The following PDE8B variants were observed in gnomAD, a reference collection of about 807,000 sequenced individuals.
The protein encoded by PDE8B is high affinity cAMP-specific and IBMX-insensitive 3',5'-cyclic phosphodiesterase 8B.
A neutral mutation model predicts 101.3 loss-of-function variants in PDE8B; 26 were observed. The observed-to-expected ratio is 0.26, with a 90% CI of 0.19 to 0.36. The LOEUF (loss-of-function observed/expected upper bound fraction) is 0.36. Among genes scored for constraint, PDE8B ranks in the 10% least tolerant of loss-of-function variants. PDE8B has a pLI of 1.00. For missense variants in PDE8B, 810 were observed against 1,163.1 expected, an observed-to-expected ratio of 0.70 and a Z score of 4.42; for synonymous variants, 424 against 429.3, an observed-to-expected ratio of 0.99 and a Z score of 0.15.
At chr5:77,200,557 T>TC in the PDE8B span, among the ~76,000 whole-genome samples, 1 of 151,980 alleles carries the variant, frequency 6.6e-6, no homozygotes, top group African/African-American at 2.4e-5. Flanking sequence ...GTGAAGGGCT[T>TC]TTTTTTAAAA....
chr5:77,302,153 A>G (rs1770099046), intron 1 of PDE8B, among the ~76,000 whole-genome samples: 1 of 152,116 alleles, frequency 6.6e-6, no homozygotes, highest in African/African-American at 2.4e-5. Flanking sequence ...GTGCCAGCCA[A>G]GTTTTCTGTG....
At chr5:77,267,311 G>A (rs1300929128) in intron 1 of PDE8B, among the ~76,000 whole-genome samples, 1 of 152,022 alleles carries the variant, frequency 6.6e-6, no homozygotes, top group Non-Finnish European at 1.5e-5. Context: ...ATGGTGGCGG[G>A]CACCTGTAAT....
At chr5:77,318,524 A>G (rs1454005148) in intron 2 of PDE8B, among the ~76,000 whole-genome samples, 1 of 152,214 alleles carries the variant, frequency 6.6e-6, no homozygotes, top group African/African-American at 2.4e-5. Context: ...TTCCATGTCT[A>G]TAAAATAGGG....
the PDE8B span, among the ~76,000 whole-genome samples, chr5:77,120,829 T>C: frequency 6.6e-6 from 1 of 152,238 alleles, no homozygotes; most frequent in Non-Finnish European, 1.5e-5. Context: ...AAAACATTTA[T>C]CTGTTGGCTT....
intron 5 of PDE8B, among the ~76,000 whole-genome samples, chr5:77,334,586 A>G (rs377176601): frequency 7.9e-5 from 12 of 152,280 alleles, no homozygotes; most frequent in African/African-American, 2.9e-4. Context: ...TGGAGTAGGA[A>G]GTGGGGAGCT....
At chr5:77,122,794 T>C in the PDE8B span, among the ~76,000 whole-genome samples, 2 of 152,206 alleles carry the variant, frequency 1.3e-5, no homozygotes, top group Non-Finnish European at 1.5e-5. Flanking sequence ...CAATTACATT[T>C]TGAAAGTAAG....
intron 1 of PDE8B, among the ~76,000 whole-genome samples, chr5:77,275,079 G>A (rs937493961): frequency 6.6e-6 from 1 of 152,102 alleles, no homozygotes; most frequent in Non-Finnish European, 1.5e-5. Context: ...ACACACACTA[G>A]TTGAGTACAG....
intron 1 of PDE8B, among the ~76,000 whole-genome samples, chr5:77,252,925 G>A (rs756044189): frequency 2.0e-5 from 3 of 152,102 alleles, no homozygotes; most frequent in Non-Finnish European, 4.4e-5. Context: ...TTTTTACGAA[G>A]TCTAATCTCT....
At chr5:77,123,002 A>G in the PDE8B span, among the ~76,000 whole-genome samples, 1 of 152,342 alleles carries the variant, frequency 6.6e-6, no homozygotes, top group East Asian at 1.9e-4. Context: ...TGAATTGAAC[A>G]GAGATTATAG....
chr5:77,224,776 CCT>C (rs918331657), intron 1 of PDE8B, among the ~76,000 whole-genome samples: 2 of 152,248 alleles, frequency 1.3e-5, no homozygotes, highest in African/African-American at 4.8e-5. Context: ...AGTTCCCTTT[CCT>C]CTCTTTCTTT....
At chr5:77,332,131 A>G (rs1777253038) in intron 5 of PDE8B, among the ~76,000 whole-genome samples, 1 of 152,218 alleles carries the variant, frequency 6.6e-6, no homozygotes, top group Non-Finnish European at 1.5e-5. Context: ...TTAAAAGAGA[A>G]GAAAGAGAAG....
chr5:77,204,898 G>A, the PDE8B span, among the ~76,000 whole-genome samples: 3 of 152,118 alleles, frequency 2.0e-5, no homozygotes, highest in African/African-American at 7.2e-5. Context: ...AAGTTCCTTT[G>A]GAGTAGGACT....
At chr5:77,171,880 A>G in the PDE8B span, among the ~76,000 whole-genome samples, 2 of 152,068 alleles carry the variant, frequency 1.3e-5, no homozygotes, top group African/African-American at 4.8e-5. Flanking sequence ...AGGGCCAGGG[A>G]CCCATTGATG....
At chr5:77,304,806 G>A (rs1168945519) in intron 1 of PDE8B, among the ~76,000 whole-genome samples, 1 of 152,098 alleles carries the variant, frequency 6.6e-6, no homozygotes, top group East Asian at 1.9e-4. Flanking sequence ...ATATTGTTTG[G>A]GGGGGATAAT....
At chr5:77,387,343 T>C (rs1014282302) in intron 10 of PDE8B, among the ~76,000 whole-genome samples, 1 of 152,222 alleles carries the variant, frequency 6.6e-6, no homozygotes, top group Non-Finnish European at 1.5e-5. Context: ...TGGCTGGACA[T>C]GAAATTCTGG....
At chr5:77,098,528 T>G in the PDE8B span, 1 of 152,142 alleles carries the variant, frequency 6.6e-6, no homozygotes, top group East Asian at 1.9e-4. Context: ...ACTCCTGGTG[T>G]CAAGTGATCC....
intron 7 of PDE8B, among the ~76,000 whole-genome samples, chr5:77,347,246 T>C (rs185550245): frequency 6.6e-6 from 1 of 152,386 alleles, no homozygotes; most frequent in Admixed American, 6.5e-5. Context: ...GGTATCACTA[T>C]TGTACTCATT....
chr5:77,426,828 C>G lies in PDE8B; in HGVS notation c.*274C>G, dbSNP rs1182147831. 2.5e-6 allele frequency: 1 copy of G among 403,968 alleles called. No homozygotes were observed. The highest frequency in any genetic ancestry group is 4.7e-6 in the Non-Finnish European group (1 of 214,000). The allele number at this position is 403,968 out of a possible 1,614,324, so 25.0% of individuals were successfully genotyped here. A position where few individuals can be genotyped will look rare whatever the true frequency, so the allele number is the denominator to read the frequency against. ...GTCATCCTGTGTACCCTTGTCAATC[C>G]ATGGAGCTGGTTCACTGTAACTAGC... On this transcript the variant is annotated 3_prime_UTR_variant, in exon 22 of 22. Transcript: ENST00000264917.
At chr5:77,407,763 A>G (rs1003909705) in intron 13 of PDE8B, among the ~76,000 whole-genome samples, 1 of 152,158 alleles carries the variant, frequency 6.6e-6, no homozygotes, top group African/African-American at 2.4e-5. Context: ...TCAGGAGAAG[A>G]AGGAAGAGAA....
Sources: gnomAD v4.1 joint callset for allele counts (sites outside exome capture counted in the v4.1 genomes callset) on GRCh38, gnomAD v4.1.1 for gene constraint, MANE v1.5 for transcripts, NCBI Gene and HGNC (gene_info 2026-07-23, HGNC 2026-07-21) for gene names.